Variants in MBP observed in about 807,000 individuals in gnomAD.
MBP encodes Golli-MBP.
In MBP, 16 loss-of-function variants were observed where a neutral mutation model predicts 35.8. The observed-to-expected ratio is 0.45, with a 90% CI of 0.30 to 0.68. MBP has a LOEUF of 0.68. Ranked by LOEUF, MBP falls within the 30% of genes least tolerant of loss-of-function variation. MBP has a pLI of 0.08. For missense variants in MBP, 380 were observed against 404.7 expected (o/e 0.94, Z 0.52); for synonymous variants, 143 against 159.6 (o/e 0.90, Z 0.78).
At position 77,102,223 on chromosome 18, in the gene MBP, C is replaced by T. The variant is rs113254032; in HGVS notation, c.51+2988G>A. ...GGCAGAGGCAGTGTGTGGGGTAGAC[C>T]GGGCAGCCCCCACCGCAGCTGCCCT... On this transcript the variant is annotated intron_variant, in intron 2 of 8. Coordinates refer to ENST00000355994, the MANE Select transcript of MBP (RefSeq NM_001025101.2). The surrounding 1 kb of genome is among the most constrained non-coding windows in gnomAD (Gnocchi z 4.4). Among the ~76,000 whole-genome samples, 145 of 152,196 alleles carry T rather than the reference C, an allele frequency of 9.5e-4. No homozygotes were observed. In the East Asian group the frequency reaches 0.022, roughly 23 times the overall value.
At chr18:77,017,953 G>C (rs17060249) in intron 3 of MBP, among the ~76,000 whole-genome samples, 1 of 152,196 alleles carries the variant, frequency 6.6e-6, no homozygotes, top group Non-Finnish European at 1.5e-5. Context: ...CCACATTTCT[G>C]TCACGAAGGG....
Position 77,017,013 on chromosome 18 carries a change from T to G in MBP, c.395A>C (p.Asp132Ala). ...EDSAATSESL[D>A]VMASQKRPSQ... ...GGGTCTCTTCTGTGACGCCATCACA[T>G]CCAGGCTCTCGGAGGTGGCTGCACT... Residue 132 changes from aspartate (D) to alanine (A), a missense_variant, in exon 4 of 9, where the codon GAT becomes GCT. By Grantham distance (126) the Asp-to-Ala change is moderately radical (BLOSUM62 -2). Transcript: ENST00000355994. 6.2e-7 allele frequency: 1 copy of G among 1,614,064 alleles called. No homozygotes were observed. Among genetic ancestry groups the G allele is most frequent in the Non-Finnish European group, 8.5e-7 (1 of 1,180,008 alleles).
chr18:77,021,577 G>A (rs1205003125), intron 3 of MBP, among the ~76,000 whole-genome samples: 3 of 149,450 alleles, frequency 2.0e-5, no homozygotes, highest in Non-Finnish European at 4.4e-5. Flanking sequence ...TCCGCCTCCC[G>A]GGTTCACGCC....
At chr18:77,029,247 A>C (rs1972430593) in intron 3 of MBP, among the ~76,000 whole-genome samples, 1 of 148,676 alleles carries the variant, frequency 6.7e-6, no homozygotes, top group Non-Finnish European at 1.5e-5. Context: ...CGGCTCCACC[A>C]AAAAAATACG....
At chr18:77,038,947 C>A (rs1352907446) in intron 3 of MBP, among the ~76,000 whole-genome samples, 1 of 152,184 alleles carries the variant, frequency 6.6e-6, no homozygotes, top group African/African-American at 2.4e-5. Context: ...TCAAACTATG[C>A]CTCGGGGCCA....
At chr18:77,028,743 G>A (rs867127108) in intron 3 of MBP, among the ~76,000 whole-genome samples, 1 of 98,422 alleles carries the variant, frequency 1.0e-5, no homozygotes, top group African/African-American at 2.9e-5. Context: ...CTGGCCAGGC[G>A]GGGGGCTGAT....
chr18:77,014,981 T>C, intron 4 of MBP: 1 of 985,044 alleles, frequency 1.0e-6, no homozygotes. Flanking sequence ...TCCTTGATAA[T>C]TGGCCAGCCC....
intron 1 of MBP, among the ~76,000 whole-genome samples, chr18:77,128,762 T>C (rs1977143081): frequency 6.6e-6 from 1 of 152,220 alleles, no homozygotes; most frequent in Non-Finnish European, 1.5e-5. Context: ...GAATATCCAC[T>C]GTGTGTGTCT....
intron 3 of MBP, among the ~76,000 whole-genome samples, chr18:77,032,503 G>T (rs986215924): frequency 2.0e-5 from 3 of 152,218 alleles, no homozygotes; most frequent in Non-Finnish European, 2.9e-5. Context: ...CACAGGAGAG[G>T]CAGCCGTGTG....
At chr18:77,052,232 C>T (rs1032330369) in intron 3 of MBP, among the ~76,000 whole-genome samples, 3 of 152,218 alleles carry the variant, frequency 2.0e-5, no homozygotes, top group Non-Finnish European at 1.5e-5. Flanking sequence ...GAGGTGAAAT[C>T]ACAAATGTGA....
chr18:76,988,770 A>T lies in MBP; in HGVS notation c.717+107T>A. On this transcript the variant is annotated intron_variant, in intron 6 of 8. Transcript: ENST00000355994. The surrounding 1 kb of genome is among the most constrained non-coding windows in gnomAD (Gnocchi z 5.2). ...GAGCTGCCTGGCAACACGTTTTGGG[A>T]TGGATTCTGGTAGCTCGGAGCCTAA... The T allele has an allele frequency of 7.1e-7, 1 of 1,413,126 alleles. No individual in the cohort carries two copies. The allele number at this position is 1,413,126 out of a possible 1,614,324, so 87.5% of individuals were successfully genotyped here.
chr18:77,087,928 C>T (rs1975324620), intron 2 of MBP, among the ~76,000 whole-genome samples: 1 of 151,918 alleles, frequency 6.6e-6, no homozygotes, highest in Non-Finnish European at 1.5e-5. Context: ...CAGGGGTCTC[C>T]GGGGACTTCC....
intron 2 of MBP, among the ~76,000 whole-genome samples, chr18:77,088,721 A>T (rs1975377068): frequency 6.6e-6 from 1 of 152,172 alleles, no homozygotes; most frequent in Admixed American, 6.5e-5. Context: ...TTTTTGAATA[A>T]AACTTTACAA....
intron 1 of MBP, among the ~76,000 whole-genome samples, chr18:77,130,020 G>T (rs1977186395): frequency 6.7e-6 from 1 of 148,572 alleles, no homozygotes; most frequent in African/African-American, 2.5e-5. Flanking sequence ...CTGCACTCCA[G>T]CCTGGGTGAC....
At chr18:77,007,032 G>A (rs1038506857) in intron 4 of MBP, among the ~76,000 whole-genome samples, 2 of 152,202 alleles carry the variant, frequency 1.3e-5, no homozygotes, top group African/African-American at 2.4e-5. Context: ...GGAGTTCTTG[G>A]TTCCGACTCT....
chr18:77,098,604 C>T lies in MBP; in HGVS notation c.51+6607G>A, dbSNP rs112079852. Among the ~76,000 whole-genome samples, 681 of 152,306 alleles carry T rather than the reference C, an allele frequency of 4.5e-3. 5 individuals carry two copies. Among genetic ancestry groups the T allele is most frequent in the African/African-American group, 0.016 (652 of 41,572 alleles). ...AGGCTGTGTGTTGTCAGAGAAAATT[C>T]GTGGCAAGACAGCTTGATAAATGTC... On this transcript the variant is annotated intron_variant, in intron 2 of 8. Coordinates refer to ENST00000355994, the MANE Select transcript of MBP (RefSeq NM_001025101.2).
intron 7 of MBP, chr18:76,987,900 C>A: frequency 9.4e-7 from 1 of 1,060,068 alleles, no homozygotes; most frequent in Non-Finnish European, 1.1e-6. Flanking sequence ...AGTTTGCTTT[C>A]AGTATTAACC....
At chr18:77,059,756 C>T (rs1228930548) in intron 3 of MBP, among the ~76,000 whole-genome samples, 1 of 152,052 alleles carries the variant, frequency 6.6e-6, no homozygotes, top group African/African-American at 2.4e-5. Context: ...TAGGGGCCAG[C>T]ACAGATAAGA....
chr18:77,033,640 C>T (rs1270205640), intron 3 of MBP, among the ~76,000 whole-genome samples: 3 of 151,926 alleles, frequency 2.0e-5, no homozygotes, highest in Non-Finnish European at 4.4e-5. Context: ...CTCATCTATT[C>T]GTCCACCCAT....
Sources: allele counts gnomAD v4.1 joint callset (sites outside exome capture counted in the v4.1 genomes callset), GRCh38; gene constraint gnomAD v4.1.1; non-coding constraint Gnocchi (gnomAD v3.1); transcripts MANE v1.5; gene names NCBI Gene and HGNC (gene_info 2026-07-23, HGNC 2026-07-21).